The following ZBTB20 variants were observed in gnomAD, a reference collection of about 807,000 sequenced individuals.
The protein encoded by ZBTB20 is zinc finger and BTB domain containing 20.
Under a neutral mutation model 56.9 loss-of-function variants are expected in ZBTB20, and 9 were observed. The observed-to-expected ratio is 0.16, with a 90% confidence interval of 0.10 to 0.28. The LOEUF is 0.28. Among genes scored for constraint, ZBTB20 ranks in the 10% least tolerant of loss-of-function variants. ZBTB20 has a pLI of 1.00. For synonymous variants in ZBTB20, 417 were observed against 420.7 expected, an observed-to-expected ratio of 0.99 and a Z score of 0.11; for missense variants, 655 against 1,003.0, an observed-to-expected ratio of 0.65 and a Z score of 4.69.
At chr3:114,407,644 G>C (rs1219362762) in intron 7 of ZBTB20, among the ~76,000 whole-genome samples, 1 of 152,084 alleles carries the variant, frequency 6.6e-6, no homozygotes, top group Non-Finnish European at 1.5e-5. Flanking sequence ...ACTGCTAATG[G>C]GAACTCTGGC....
At chr3:115,111,349 A>G (rs2083877659) in intron 1 of ZBTB20, among the ~76,000 whole-genome samples, 1 of 152,272 alleles carries the variant, frequency 6.6e-6, no homozygotes, top group Non-Finnish European at 1.5e-5. Flanking sequence ...ATAAATCATT[A>G]TTATGAATTT....
At chr3:114,356,659 G>C (rs961464280) in intron 10 of ZBTB20, among the ~76,000 whole-genome samples, 1 of 152,170 alleles carries the variant, frequency 6.6e-6, no homozygotes, top group East Asian at 1.9e-4. Context: ...TGCCAAGTTA[G>C]TCACACTAGG....
chr3:114,347,162 C>CAT (rs1168266674), intron 11 of ZBTB20, among the ~76,000 whole-genome samples: 1 of 146,960 alleles, frequency 6.8e-6, no homozygotes, highest in East Asian at 2.0e-4. Flanking sequence ...AAGTGATCTT[C>CAT]CCGCCTCAGC....
chr3:115,025,890 T>C (rs1158003718), intron 2 of ZBTB20, among the ~76,000 whole-genome samples: 2 of 148,408 alleles, frequency 1.3e-5, no homozygotes, highest in Non-Finnish European at 3.0e-5. Context: ...ATATAAAATA[T>C]ACTAAAATAC....
At chr3:114,945,383 A>G (rs936736282) in intron 3 of ZBTB20, among the ~76,000 whole-genome samples, 1 of 145,348 alleles carries the variant, frequency 6.9e-6, no homozygotes, top group Non-Finnish European at 1.5e-5. Context: ...GTATAGAAAA[A>G]TAATAAAAAT....
At chr3:114,342,068 T>C (rs983087582) in intron 11 of ZBTB20, among the ~76,000 whole-genome samples, 1 of 152,206 alleles carries the variant, frequency 6.6e-6, no homozygotes, top group Non-Finnish European at 1.5e-5. Context: ...TAAGGTGCTG[T>C]GATGGTGAAG....
intron 5 of ZBTB20, among the ~76,000 whole-genome samples, chr3:114,781,997 A>G (rs998839557): frequency 1.3e-5 from 2 of 152,168 alleles, no homozygotes; most frequent in Admixed American, 1.3e-4. Flanking sequence ...TTGTGAGAAC[A>G]GACTAATACA....
intron 2 of ZBTB20, among the ~76,000 whole-genome samples, chr3:115,053,892 G>A (rs1386602009): frequency 6.6e-6 from 1 of 151,938 alleles, no homozygotes; most frequent in African/African-American, 2.4e-5. Context: ...GTTTTTACTG[G>A]GTTTAGTCTG....
chr3:114,390,743 T>C (rs1251213817), intron 7 of ZBTB20, among the ~76,000 whole-genome samples: 4 of 152,226 alleles, frequency 2.6e-5, no homozygotes, highest in Non-Finnish European at 4.4e-5. Flanking sequence ...CGTTCCTTTG[T>C]CCATTCATTC....
At chr3:114,626,824 G>C (rs1363403341) in intron 6 of ZBTB20, among the ~76,000 whole-genome samples, 1 of 152,168 alleles carries the variant, frequency 6.6e-6, no homozygotes, top group Non-Finnish European at 1.5e-5. Flanking sequence ...TTTTACCAAA[G>C]GGGAAAACGT....
At chr3:114,678,058 T>TA (rs1291052572) in intron 6 of ZBTB20, among the ~76,000 whole-genome samples, 2 of 152,142 alleles carry the variant, frequency 1.3e-5, no homozygotes, top group Admixed American at 6.5e-5. Flanking sequence ...TGATTCTTTA[T>TA]AAAAAAATCT....
intron 2 of ZBTB20, among the ~76,000 whole-genome samples, chr3:115,001,317 T>C (rs552829216): frequency 2.8e-4 from 42 of 151,584 alleles, no homozygotes; most frequent in African/African-American, 8.9e-4. Flanking sequence ...TCCAATGGAA[T>C]ACATGAATTA....
At chr3:114,872,153 C>G (rs1334662099) in intron 4 of ZBTB20, among the ~76,000 whole-genome samples, 1 of 152,134 alleles carries the variant, frequency 6.6e-6, no homozygotes, top group Non-Finnish European at 1.5e-5. Context: ...GATCATATAT[C>G]CTGTTGCTTT....
At chr3:114,855,479 G>C (rs1480436556) in intron 4 of ZBTB20, among the ~76,000 whole-genome samples, 1 of 152,142 alleles carries the variant, frequency 6.6e-6, no homozygotes, top group Non-Finnish European at 1.5e-5. Context: ...TTATTTTCTG[G>C]AAAAGGTATT....
rs2068179102 is a variant in ZBTB20 at position 114,758,465 on chromosome 3, T to C, written c.-343+42636A>G. ...AAATTCTCAATAAGGATTAGCTTGGTCCTAATGAAAACAGTGTTTACTTTT... is the reference window on the plus strand; with the variant it reads ...AAATTCTCAATAAGGATTAGCTTGGCCCTAATGAAAACAGTGTTTACTTTT... On this transcript the variant is annotated intron_variant, in intron 5 of 11. Transcript: ENST00000675478. 2.6e-5 allele frequency among the ~76,000 whole-genome samples: 4 copies of C among 152,266 alleles called. No individual in the cohort carries two copies. In the South Asian group the frequency reaches 8.3e-4, roughly 32 times the overall value.
At chr3:114,715,289 G>A (rs775992426) in intron 5 of ZBTB20, among the ~76,000 whole-genome samples, 3 of 152,082 alleles carry the variant, frequency 2.0e-5, no homozygotes, top group Non-Finnish European at 4.4e-5. Flanking sequence ...CTAACAACCC[G>A]AGGTGGAATG....
At chr3:114,977,298 T>C (rs1248120110) in intron 2 of ZBTB20, among the ~76,000 whole-genome samples, 1 of 152,224 alleles carries the variant, frequency 6.6e-6, no homozygotes, top group Non-Finnish European at 1.5e-5. Flanking sequence ...ACTAAAATGA[T>C]GTTTAGTAGT....
At chr3:114,532,386 G>A (rs1198730193) in intron 6 of ZBTB20, among the ~76,000 whole-genome samples, 1 of 152,152 alleles carries the variant, frequency 6.6e-6, no homozygotes, top group Non-Finnish European at 1.5e-5. Context: ...TTCAAACTGG[G>A]TGGAGCCCAC....
chr3:115,072,590 T>A (rs1051663969), intron 1 of ZBTB20, among the ~76,000 whole-genome samples: 1 of 152,154 alleles, frequency 6.6e-6, no homozygotes, highest in Non-Finnish European at 1.5e-5. Flanking sequence ...GCCTTGGATA[T>A]CCATGTTTAA....
Sources: allele counts gnomAD v4.1 joint callset (sites outside exome capture counted in the v4.1 genomes callset), GRCh38; gene constraint gnomAD v4.1.1; transcripts MANE v1.5; gene names NCBI Gene and HGNC (gene_info 2026-07-23, HGNC 2026-07-21).